NRXN3: variants seen among roughly 807,000 people sequenced by gnomAD.
The protein encoded by NRXN3 is neurexin III.
A neutral mutation model predicts 137.6 loss-of-function variants in NRXN3; 32 were observed. The ratio of observed to expected loss-of-function variants is 0.23; its 90% confidence interval spans 0.18 to 0.31. NRXN3 has a LOEUF of 0.31. Ranked by LOEUF, NRXN3 falls within the 10% of genes least tolerant of loss-of-function variation. The pLI is 1.00. For missense variants in NRXN3, 1,574 were observed against 2,062.5 expected (o/e 0.76, Z 4.59); for synonymous variants, 798 against 784.5 (o/e 1.02, Z -0.29).
At chr14:79,663,690 A>G in intron 16 of NRXN3, 88 bp from the exon 17 acceptor site, 1 of 1,111,032 alleles carries the variant, frequency 9.0e-7, no homozygotes, top group Non-Finnish European at 1.3e-6. Context: ...GGGCACCTAC[A>G]GGTTTATTGC....
rs1411848284 is a variant in NRXN3, at chr14:79,468,767, A to G, written c.3444+1365A>G. Among the ~76,000 whole-genome samples the G allele has an allele frequency of 3.9e-5, 6 of 152,336 alleles. No individual in the cohort carries two copies. In the East Asian group the frequency reaches 9.7e-4, roughly 25 times the overall value. Reference sequence around the variant, plus strand: ...TTGAGCTGGAAGTCGGTCTAGCCCCAGTATAAGCCAGATCAGGGCAAGACT... The same window carrying G: ...TTGAGCTGGAAGTCGGTCTAGCCCCGGTATAAGCCAGATCAGGGCAAGACT... On this transcript the variant is annotated intron_variant, in intron 16 of 20. Transcript: ENST00000335750.
chr14:79,014,426 G>A (rs2099575883), intron 15 of NRXN3, among the ~76,000 whole-genome samples: 1 of 152,118 alleles, frequency 6.6e-6, no homozygotes, highest in Admixed American at 6.5e-5. Flanking sequence ...TGTTGCTGCA[G>A]ACATGATCTC....
intron 19 of NRXN3, among the ~76,000 whole-genome samples, chr14:79,708,725 C>A (rs889337349): frequency 1.3e-5 from 2 of 152,016 alleles, no homozygotes; most frequent in Non-Finnish European, 2.9e-5. Flanking sequence ...CCTTTTGAAA[C>A]CTTCTAATTA....
chr14:78,943,556 A>G (rs1174934708), intron 10 of NRXN3, among the ~76,000 whole-genome samples: 9 of 144,062 alleles, frequency 6.2e-5, no homozygotes, highest in Non-Finnish European at 1.1e-4. Flanking sequence ...TAAGGTGCCT[A>G]AAGAAAGCTA....
chr14:78,327,412 A>AT (rs1272046626), intron 4 of NRXN3, among the ~76,000 whole-genome samples: 1 of 152,058 alleles, frequency 6.6e-6, no homozygotes, highest in Non-Finnish European at 1.5e-5. Flanking sequence ...TTGATCTTTT[A>AT]TTTTTTAGCT....
At chr14:78,215,341 G>C (rs2063146463) in intron 1 of NRXN3, among the ~76,000 whole-genome samples, 1 of 152,084 alleles carries the variant, frequency 6.6e-6, no homozygotes, top group South Asian at 2.1e-4. Flanking sequence ...CTGGGTCCCT[G>C]CTCCTTCATC....
chr14:79,748,926 A>G (rs2098988276), intron 19 of NRXN3, among the ~76,000 whole-genome samples: 1 of 152,010 alleles, frequency 6.6e-6, no homozygotes, highest in Admixed American at 6.6e-5. Flanking sequence ...AAAGTCAAGC[A>G]GGCTAAATTG....
chr14:79,199,259 GTCTC>G (rs2065591766), intron 15 of NRXN3, among the ~76,000 whole-genome samples: 1 of 148,084 alleles, frequency 6.8e-6, no homozygotes, highest in Non-Finnish European at 1.5e-5. Flanking sequence ...TTCCCTTCTT[GTCTC>G]TCTATTTTTA....
chr14:79,468,680 G>A (rs57524931), intron 16 of NRXN3, among the ~76,000 whole-genome samples: 3,229 of 152,288 alleles, frequency 0.021, 54 homozygotes, highest in South Asian at 0.062. Context: ...ACAGCAGTGC[G>A]CATGTCTGAC....
chr14:78,249,317 C>T (rs1486672404), intron 2 of NRXN3, among the ~76,000 whole-genome samples: 1 of 152,242 alleles, frequency 6.6e-6, no homozygotes, highest in Non-Finnish European at 1.5e-5. Context: ...CAGAGTAGCA[C>T]GTGAACTTGC....
At chr14:79,220,682 A>T (rs1477188264) in intron 15 of NRXN3, among the ~76,000 whole-genome samples, 2 of 152,100 alleles carry the variant, frequency 1.3e-5, no homozygotes, top group African/African-American at 4.8e-5. Flanking sequence ...TATGGTATGT[A>T]GCTTTTCAGA....
chr14:79,177,560 C>G (rs1426623669), intron 15 of NRXN3, among the ~76,000 whole-genome samples: 2 of 152,134 alleles, frequency 1.3e-5, no homozygotes, highest in Non-Finnish European at 2.9e-5. Flanking sequence ...TCTAAAACAG[C>G]CTGAGTACCC....
rs1447238153 is a variant in NRXN3, at chr14:79,770,048, G to A, written c.4015-35064G>A. Among the ~76,000 whole-genome samples the A allele has an allele frequency of 1.3e-5, 2 of 151,808 alleles. 1 individual carries two copies. The highest frequency in any genetic ancestry group is 1.3e-4 in the Admixed American group (2 of 15,244). On this transcript the variant is annotated intron_variant, in intron 19 of 20. Transcript: ENST00000335750. Reference sequence around the variant, plus strand: ...AAGAAGGCCATTACATAATGGTAAAGGGATCAATTCAACAAGAAGAGCTAA... The same window carrying A: ...AAGAAGGCCATTACATAATGGTAAAAGGATCAATTCAACAAGAAGAGCTAA...
At chr14:78,859,479 G>GT (rs1483730272) in intron 10 of NRXN3, among the ~76,000 whole-genome samples, 1 of 152,136 alleles carries the variant, frequency 6.6e-6, no homozygotes, top group Non-Finnish European at 1.5e-5. Context: ...CAGTTGACCT[G>GT]TATCTTCTTG....
chr14:79,256,172 GTCTCTCTCTCTC>G (rs111298626), intron 15 of NRXN3, among the ~76,000 whole-genome samples: 2 of 145,306 alleles, frequency 1.4e-5, no homozygotes, highest in African/African-American at 2.5e-5. Flanking sequence ...CTCTCTCTCT[GTCTCTCTCTCTC>G]TCTCTCTCAC....
intron 15 of NRXN3, among the ~76,000 whole-genome samples, chr14:79,184,059 A>G (rs921151304): frequency 4.6e-5 from 7 of 152,176 alleles, no homozygotes; most frequent in African/African-American, 1.7e-4. Flanking sequence ...GAGCTCTAAC[A>G]ACCTACCCTC....
At chr14:79,424,250 A>T (rs1046552290) in intron 15 of NRXN3, among the ~76,000 whole-genome samples, 1 of 152,244 alleles carries the variant, frequency 6.6e-6, no homozygotes, top group Non-Finnish European at 1.5e-5. Flanking sequence ...AATATTCATT[A>T]AAACAAATAT....
At chr14:79,016,939 A>G (rs2099580262) in intron 15 of NRXN3, among the ~76,000 whole-genome samples, 1 of 152,122 alleles carries the variant, frequency 6.6e-6, no homozygotes, top group African/African-American at 2.4e-5. Flanking sequence ...GACCATTTGG[A>G]GGAGAGAATG....
chr14:79,227,762 C>CTTCCTTCT (rs2071240147), intron 15 of NRXN3, among the ~76,000 whole-genome samples: 1 of 109,236 alleles, frequency 9.2e-6, no homozygotes, highest in Admixed American at 1.1e-4. Flanking sequence ...TCCTTCCTTC[C>CTTCCTTCT]TTCCTTCCTT....
Sources: allele counts gnomAD v4.1 joint callset (sites outside exome capture counted in the v4.1 genomes callset), GRCh38; gene constraint gnomAD v4.1.1; transcripts MANE v1.5; gene names NCBI Gene and HGNC (gene_info 2026-07-23, HGNC 2026-07-21).